The following TRIO variants were observed in gnomAD, a reference collection of about 807,000 sequenced individuals.
TRIO encodes trio Rho guanine nucleotide exchange factor, also known as triple functional domain protein.
Under a neutral mutation model 351.9 loss-of-function variants are expected in TRIO, and 58 were observed. That is an observed-to-expected ratio of 0.16 (90% CI 0.13 to 0.21). The LOEUF is 0.21. TRIO is among the 10% of genes least tolerant of loss of function. The pLI is 1.00. For synonymous variants in TRIO, 1,758 were observed against 1,595.7 expected, an observed-to-expected ratio of 1.10 and a Z score of -2.42; for missense variants, 3,201 against 4,027.8, an observed-to-expected ratio of 0.79 and a Z score of 5.56.
chr5:14,157,407 C>G (rs1349754651), intron 1 of TRIO, among the ~76,000 whole-genome samples: 1 of 151,390 alleles, frequency 6.6e-6, no homozygotes, highest in Non-Finnish European at 1.5e-5. Flanking sequence ...CCCTCCCCGC[C>G]TCCCTCCCTG....
intron 1 of TRIO, among the ~76,000 whole-genome samples, chr5:14,253,502 G>GT: frequency 1.3e-5 from 2 of 151,798 alleles, no homozygotes; most frequent in South Asian, 4.2e-4. Context: ...ACAGGTCCCG[G>GT]CTGATTTCTT....
chr5:14,201,931 A>G (rs1374988662), intron 1 of TRIO, among the ~76,000 whole-genome samples: 1 of 136,954 alleles, frequency 7.3e-6, no homozygotes, highest in African/African-American at 2.8e-5. Flanking sequence ...GAACACATGG[A>G]CACAGAAAGG....
At chr5:14,267,821 C>G (rs1474190000) in intron 1 of TRIO, among the ~76,000 whole-genome samples, 1 of 152,014 alleles carries the variant, frequency 6.6e-6, no homozygotes, top group African/African-American at 2.4e-5. Context: ...CCAGTCACCA[C>G]AATAATGACA....
rs540715128 is a variant in TRIO, at chr5:14,353,573, T to C, written c.2047-4605T>C. ...CCACCACACCCAGCCCCAAGCAACT[T>C]TTTGAGGCAGGCATTATTACCATGC... On this transcript the variant is annotated intron_variant, in intron 11 of 56. Coordinates refer to ENST00000344204, the MANE Select transcript of TRIO (RefSeq NM_007118.4). 2.5e-4 allele frequency among the ~76,000 whole-genome samples: 38 copies of C among 152,146 alleles called. 1 individual carries two copies. Among genetic ancestry groups the C allele is most frequent in the African/African-American group, 8.4e-4 (35 of 41,500 alleles).
intron 1 of TRIO, among the ~76,000 whole-genome samples, chr5:14,188,439 C>A (rs918555845): frequency 6.6e-6 from 1 of 152,136 alleles, no homozygotes; most frequent in Admixed American, 6.5e-5. Context: ...ATTCTCTTAA[C>A]CACTTCGCTA....
Position 14,363,791 on chromosome 5 carries a change from C to T in TRIO, c.2451C>T (p.Asp817=). The change falls in exon 14 of 57, where the codon GAC becomes GAT. Residue 817 remains aspartate, a synonymous_variant. Transcript: ENST00000344204. ...TTTCTCAGCAAATGAATGACTTCGA[C>T]ACAGAAGATCTCACGATTGCAGAGC... ...DELSQQMNDF[D]TEDLTIAEQR... 6.2e-7 allele frequency: 1 copy of T among 1,614,188 alleles called. No homozygotes were observed. Among genetic ancestry groups the T allele is most frequent in the Non-Finnish European group, 8.5e-7 (1 of 1,180,032 alleles).
chr5:14,300,765 G>A (rs1737804892), intron 7 of TRIO, among the ~76,000 whole-genome samples: 1 of 152,188 alleles, frequency 6.6e-6, no homozygotes, highest in Non-Finnish European at 1.5e-5. Context: ...TTTCGCTGAG[G>A]TCTATGGCTA....
chr5:14,451,330 C>A (rs79863845), intron 34 of TRIO, among the ~76,000 whole-genome samples: 1,595 of 141,474 alleles, frequency 0.011, 14 homozygotes, highest in African/African-American at 0.039. Flanking sequence ...TTTCTTTATT[C>A]AAAAAAAAAA....
chr5:14,507,032 T>G, intron 55 of TRIO, 90 bp from the exon 56 acceptor site: 1 of 1,451,272 alleles, frequency 6.9e-7, no homozygotes. Context: ...TCATAACAGG[T>G]GACAGGTCCG....
intron 34 of TRIO, among the ~76,000 whole-genome samples, chr5:14,429,096 G>A (rs1750885768): frequency 6.6e-6 from 1 of 152,264 alleles, no homozygotes; most frequent in Non-Finnish European, 1.5e-5. Flanking sequence ...GAGATGATGT[G>A]TTGGGTAAGA....
chr5:14,313,221 G>T (rs1319297382), intron 8 of TRIO, among the ~76,000 whole-genome samples: 2 of 152,148 alleles, frequency 1.3e-5, no homozygotes, highest in African/African-American at 4.8e-5. Context: ...ATTAATCCCT[G>T]CTTATGAATT....
At chr5:14,258,068 C>A (rs1402724668) in intron 1 of TRIO, among the ~76,000 whole-genome samples, 1 of 152,230 alleles carries the variant, frequency 6.6e-6, no homozygotes, top group East Asian at 1.9e-4. Context: ...CAAGCCCAGG[C>A]TCCTAACTAG....
intron 1 of TRIO, among the ~76,000 whole-genome samples, chr5:14,257,932 G>C (rs1376411921): frequency 2.0e-5 from 3 of 152,174 alleles, no homozygotes; most frequent in Non-Finnish European, 2.9e-5. Flanking sequence ...TGTTACAACT[G>C]CTACTGTTAG....
chr5:14,250,206 G>A (rs956697223), intron 1 of TRIO, among the ~76,000 whole-genome samples: 3 of 152,210 alleles, frequency 2.0e-5, no homozygotes, highest in Non-Finnish European at 4.4e-5. Context: ...AGGAGATGAT[G>A]TAATCCCTTT....
chr5:14,480,446 T>A (rs183313710), intron 43 of TRIO, among the ~76,000 whole-genome samples: 1 of 152,360 alleles, frequency 6.6e-6, no homozygotes, highest in Non-Finnish European at 1.5e-5. Context: ...TTTCTTCTGC[T>A]CTATCAACTT....
chr5:14,436,598 G>A (rs899329294), intron 34 of TRIO, among the ~76,000 whole-genome samples: 2 of 152,198 alleles, frequency 1.3e-5, no homozygotes, highest in African/African-American at 4.8e-5. Flanking sequence ...CTATGAGCCT[G>A]TAAAATCAAA....
intron 38 of TRIO, among the ~76,000 whole-genome samples, chr5:14,472,174 A>G (rs1173844320): frequency 6.6e-6 from 1 of 152,270 alleles, no homozygotes; most frequent in Non-Finnish European, 1.5e-5. Flanking sequence ...CTTGTGAGTG[A>G]TGTGATTAGA....
chr5:14,448,763 T>C (rs77121204), intron 34 of TRIO, among the ~76,000 whole-genome samples: 4,432 of 152,162 alleles, frequency 0.029, 92 homozygotes, highest in South Asian at 0.054. Context: ...TTTTTTTTTT[T>C]AAGTGTCTCT....
At chr5:14,273,845 G>A (rs538740268) in intron 2 of TRIO, among the ~76,000 whole-genome samples, 5 of 152,102 alleles carry the variant, frequency 3.3e-5, no homozygotes, top group Admixed American at 6.5e-5. Flanking sequence ...AATTAAGAAC[G>A]CATTCTTTTT....
Sources: allele counts gnomAD v4.1 joint callset (sites outside exome capture counted in the v4.1 genomes callset), GRCh38; gene constraint gnomAD v4.1.1; transcripts MANE v1.5; gene names NCBI Gene and HGNC (gene_info 2026-07-23, HGNC 2026-07-21).